Variants in YTHDF2 observed in about 807,000 individuals in gnomAD.
YTHDF2 encodes the protein YTH N6-methyladenosine RNA binding protein F2, also known as YTH domain-containing family protein 2.
A neutral mutation model predicts 50.4 loss-of-function variants in YTHDF2; 2 were observed. The observed-to-expected ratio is 0.04, with a 90% confidence interval of 0.02 to 0.12. The LOEUF is 0.12. Among genes scored for constraint, YTHDF2 ranks in the 10% least tolerant of loss-of-function variants. YTHDF2 has a pLI of 1.00. For missense variants in YTHDF2, 483 were observed against 722.6 expected, an observed-to-expected ratio of 0.67 and a Z score of 3.80; for synonymous variants, 217 against 255.6, an observed-to-expected ratio of 0.85 and a Z score of 1.44.
At chr1:28,760,832 T>TGCCTCC (rs996290804) in intron 4 of YTHDF2, among the ~76,000 whole-genome samples, 2 of 152,118 alleles carry the variant, frequency 1.3e-5, no homozygotes, top group African/African-American at 4.8e-5. Flanking sequence ...CGCCTGCCTC[T>TGCCTCC]GCCTCCCAAA....
intron 4 of YTHDF2, among the ~76,000 whole-genome samples, chr1:28,760,567 C>A (rs554279802): frequency 1.3e-5 from 2 of 151,740 alleles, no homozygotes; most frequent in African/African-American, 4.8e-5. Context: ...GGATTACAGT[C>A]GTGAGCCACC....
At chr1:28,762,776 C>T (rs976305936) in intron 4 of YTHDF2, among the ~76,000 whole-genome samples, 1 of 152,132 alleles carries the variant, frequency 6.6e-6, no homozygotes, top group Non-Finnish European at 1.5e-5. Context: ...TTTAACATTG[C>T]CACCTTATGG....
chr1:28,764,609 A>C (rs1465509268), intron 4 of YTHDF2, among the ~76,000 whole-genome samples: 1 of 151,428 alleles, frequency 6.6e-6, no homozygotes, highest in Admixed American at 6.6e-5. Context: ...GGGTTTTGCC[A>C]TGTTGGCCAT....
At chr1:28,745,571 C>A (rs897396462) in intron 4 of YTHDF2, among the ~76,000 whole-genome samples, 2 of 151,934 alleles carry the variant, frequency 1.3e-5, no homozygotes, top group Non-Finnish European at 2.9e-5. Context: ...ATTAAAAGTA[C>A]AAAATTAGCC....
intron 4 of YTHDF2, among the ~76,000 whole-genome samples, chr1:28,759,952 G>A (rs936350944): frequency 6.6e-6 from 1 of 152,048 alleles, no homozygotes; most frequent in Non-Finnish European, 1.5e-5. Flanking sequence ...CGAGACTCTT[G>A]TCTTTAAAAA....
In YTHDF2 at chr1:28,738,354, T is replaced by C. The variant is rs2087726734; in HGVS notation, c.132+16T>C. ...GGCAAGGCCCGTGAGTAGTTAACTA[T>C]TTACATATCTAATCGAAGGGTGTGG... On this transcript the variant is annotated intron_variant, in intron 3 of 4. Transcript: ENST00000373812. 8 of 1,591,502 alleles carry C rather than the reference T, an allele frequency of 5.0e-6. No homozygotes were observed. The East Asian group carries it at 1.6e-4, about 31-fold the overall frequency.
At chr1:28,756,736 A>G (rs1053938196) in intron 4 of YTHDF2, among the ~76,000 whole-genome samples, 2 of 152,108 alleles carry the variant, frequency 1.3e-5, no homozygotes, top group African/African-American at 4.8e-5. Flanking sequence ...GTTTGGAGGG[A>G]TGAGGAAGAG....
At chr1:28,767,531 T>G (rs1364181392) in intron 4 of YTHDF2, among the ~76,000 whole-genome samples, 1 of 151,950 alleles carries the variant, frequency 6.6e-6, no homozygotes, top group Non-Finnish European at 1.5e-5. Context: ...TTTTTTGAGA[T>G]AGAGTCTCGC....
At chr1:28,738,662 T>C (rs1423785598) in intron 3 of YTHDF2, among the ~76,000 whole-genome samples, 1 of 152,204 alleles carries the variant, frequency 6.6e-6, no homozygotes, top group African/African-American at 2.4e-5. Flanking sequence ...CGGGCTGGTC[T>C]TGAACTCCTC....
At chr1:28,740,850 C>G (rs544338122) in intron 3 of YTHDF2, among the ~76,000 whole-genome samples, 1 of 151,196 alleles carries the variant, frequency 6.6e-6, no homozygotes, top group South Asian at 2.1e-4. Flanking sequence ...ACTACAGGCG[C>G]CCGCCACCAT....
intron 4 of YTHDF2, among the ~76,000 whole-genome samples, chr1:28,756,787 TTGCCTGCCTGCC>T (rs147570839): frequency 1.3e-5 from 2 of 151,890 alleles, no homozygotes; most frequent in Non-Finnish European, 1.5e-5. Flanking sequence ...AGCATTGGCT[TTGCCTGCCTGCC>T]TGCCTGCCTG....
In YTHDF2 at chr1:28,739,596, C is replaced by T. The variant is rs141528694; in HGVS notation, c.132+1258C>T. ...GATTACAGGTGTGAGCCACCATGCC[C>T]GGCTGAGTCAGGAAATTTTTGAGTT... On this transcript the variant is annotated intron_variant, in intron 3 of 4. Coordinates refer to ENST00000373812, the MANE Select transcript of YTHDF2 (RefSeq NM_016258.3). Among the ~76,000 whole-genome samples, 376 of 152,204 alleles carry T rather than the reference C, an allele frequency of 2.5e-3. 2 individuals are homozygous for T. Among genetic ancestry groups the T allele is most frequent in the Middle Eastern group, 0.01 (3 of 294 alleles).
chr1:28,747,445 C>G (rs1330410375), intron 4 of YTHDF2, among the ~76,000 whole-genome samples: 1 of 151,240 alleles, frequency 6.6e-6, no homozygotes, highest in African/African-American at 2.4e-5. Context: ...TGGCAGGTGC[C>G]TGTAATCCCA....
intron 4 of YTHDF2, among the ~76,000 whole-genome samples, chr1:28,765,463 G>C (rs968965646): frequency 6.6e-6 from 1 of 151,896 alleles, no homozygotes; most frequent in Non-Finnish European, 1.5e-5. Flanking sequence ...TGTCACCCAG[G>C]CTGCCAGGCT....
At position 28,743,365 on chromosome 1, in the gene YTHDF2, G is replaced by A. The variant is rs751467916; in HGVS notation, c.1095G>A (p.Gly365=). The A allele has an allele frequency of 4.8e-5, 77 of 1,614,020 alleles. No individual in the cohort carries two copies. The Admixed American group carries it at 1.3e-3, about 27-fold the overall frequency. Residue 365 remains glycine (G), a synonymous_variant, in exon 4 of 5, where the codon GGG becomes GGA. Coordinates refer to ENST00000373812, the MANE Select transcript of YTHDF2 (RefSeq NM_016258.3). This position sits in a 1 kb window ranked among gnomAD's most constrained non-coding sequence, Gnocchi z 6.9. ...GTGGCAGTGGGTTCGGTCATAATGG[G>A]GTGGATGGTAATGGAGTAGGACAGT... is the stretch of plus-strand genomic sequence containing the variant. ...RNRGSGFGHN[G]VDGNGVGQSQ... is the part of the protein sequence containing the mutation.
At chr1:28,766,775 A>C (rs1474229338) in intron 4 of YTHDF2, among the ~76,000 whole-genome samples, 1 of 151,898 alleles carries the variant, frequency 6.6e-6, no homozygotes, top group Non-Finnish European at 1.5e-5. Context: ...GAGGTCCTTC[A>C]AGAAGGAGCC....
intron 4 of YTHDF2, among the ~76,000 whole-genome samples, chr1:28,760,440 G>A (rs967017682): frequency 3.3e-5 from 5 of 151,890 alleles, no homozygotes; most frequent in Admixed American, 2.0e-4. Context: ...GACTACAGGC[G>A]CCCGCCACCA....
chr1:28,737,037 G>C lies in YTHDF2; in HGVS notation c.-84G>C, dbSNP rs576680333. 8.5e-6 allele frequency: 13 copies of C among 1,524,242 alleles called. No homozygotes were observed. The highest frequency in any genetic ancestry group is 1.1e-5 in the Non-Finnish European group (13 of 1,130,536). The allele number at this position is 1,524,242 out of a possible 1,614,324, so 94.4% of individuals were successfully genotyped here. ...GTGTCAGGGACAAAAGCCTCCGCCT[G>C]CTCCCGCAGACGGGGCTCATCTGCC... On this transcript the variant is annotated 5_prime_UTR_variant, in exon 1 of 5. Transcript: ENST00000373812.
At chr1:28,768,645 C>A (rs993753176) in intron 4 of YTHDF2, among the ~76,000 whole-genome samples, 23 of 152,068 alleles carry the variant, frequency 1.5e-4, no homozygotes, top group African/African-American at 4.6e-4. Flanking sequence ...CCATTAGGCC[C>A]ATATTTTTGG....
Sources: allele counts gnomAD v4.1 joint callset (sites outside exome capture counted in the v4.1 genomes callset), GRCh38; gene constraint gnomAD v4.1.1; non-coding constraint Gnocchi (gnomAD v3.1); transcripts MANE v1.5; gene names NCBI Gene and HGNC (gene_info 2026-07-23, HGNC 2026-07-21).